Variants in QTMAN observed in about 807,000 individuals in gnomAD.
The protein encoded by QTMAN is queuosine-tRNA mannosyltransferase.
the QTMAN span, among the ~76,000 whole-genome samples, chr2:144,157,031 G>A: frequency 2.6e-5 from 4 of 152,056 alleles, no homozygotes; most frequent in Non-Finnish European, 4.4e-5. Context: ...GTTGCTGCTT[G>A]TGAGCCTGGA....
the QTMAN span, among the ~76,000 whole-genome samples, chr2:144,106,995 C>A: frequency 6.6e-6 from 1 of 152,214 alleles, no homozygotes; most frequent in Non-Finnish European, 1.5e-5. Flanking sequence ...ACAACCTGCT[C>A]CTGAATGACT....
chr2:144,255,807 T>C, the QTMAN span, among the ~76,000 whole-genome samples: 6 of 152,198 alleles, frequency 3.9e-5, no homozygotes, highest in Admixed American at 6.5e-5. Flanking sequence ...TCAAAATGCA[T>C]AGAAGGTGTA....
At chr2:143,983,305 GTTA>G in the QTMAN span, among the ~76,000 whole-genome samples, 2 of 151,978 alleles carry the variant, frequency 1.3e-5, no homozygotes, top group African/African-American at 4.8e-5. Flanking sequence ...AAGAAAGGCT[GTTA>G]TTATTATTAT....
chr2:144,305,768 GTAGGT>G, the QTMAN span, among the ~76,000 whole-genome samples: 1 of 151,988 alleles, frequency 6.6e-6, no homozygotes, highest in African/African-American at 2.4e-5. Flanking sequence ...ATAATTTTTG[GTAGGT>G]TTCAGAGTAC....
At chr2:144,092,876 T>G in the QTMAN span, among the ~76,000 whole-genome samples, 1 of 137,500 alleles carries the variant, frequency 7.3e-6, no homozygotes, top group East Asian at 2.9e-4. Context: ...TTGGGGTGTG[T>G]GTGTGTGTGT....
the QTMAN span, among the ~76,000 whole-genome samples, chr2:144,231,843 G>GGTGTGTGT: frequency 0.011 from 1,523 of 138,412 alleles, 16 homozygotes; most frequent in South Asian, 0.015. Context: ...GAATGAAAGA[G>GGTGTGTGT]GTGTGTGTGT....
chr2:144,267,707 A>G, the QTMAN span, among the ~76,000 whole-genome samples: 2 of 152,190 alleles, frequency 1.3e-5, no homozygotes, highest in Admixed American at 1.3e-4. Flanking sequence ...GTTTTTAAAA[A>G]TCTCCTGAAA....
chr2:143,958,399 CA>C, the QTMAN span, among the ~76,000 whole-genome samples: 18 of 151,930 alleles, frequency 1.2e-4, no homozygotes, highest in Admixed American at 1.3e-4. Context: ...ACAAAGTTTT[CA>C]AGATATGAAA....
chr2:144,321,458 C>G, the QTMAN span, among the ~76,000 whole-genome samples: 1 of 152,230 alleles, frequency 6.6e-6, no homozygotes, highest in African/African-American at 2.4e-5. Context: ...AATGGCACTA[C>G]AGAACCCATC....
At chr2:144,069,831 T>C in the QTMAN span, among the ~76,000 whole-genome samples, 1 of 152,098 alleles carries the variant, frequency 6.6e-6, no homozygotes, top group South Asian at 2.1e-4. Context: ...ACACTTATTT[T>C]TTGCAGCTGC....
chr2:144,212,830 A>T, the QTMAN span, among the ~76,000 whole-genome samples: 1 of 152,234 alleles, frequency 6.6e-6, no homozygotes, highest in South Asian at 2.1e-4. Context: ...TGAAAGTTTA[A>T]TTCATTATCA....
chr2:144,007,430 T>C, the QTMAN span: 1 of 1,613,280 alleles, frequency 6.2e-7, no homozygotes, highest in Non-Finnish European at 8.5e-7. Flanking sequence ...CCTCTGAATC[T>C]CTCTGCTCTG....
At chr2:143,987,100 G>C in the QTMAN span, among the ~76,000 whole-genome samples, 2 of 152,286 alleles carry the variant, frequency 1.3e-5, no homozygotes, top group East Asian at 3.9e-4. Context: ...GATTAGGTCT[G>C]CAACAGGTTA....
chr2:144,214,174 A>G, the QTMAN span, among the ~76,000 whole-genome samples: 6 of 152,198 alleles, frequency 3.9e-5, no homozygotes, highest in Admixed American at 3.9e-4. Context: ...ACATTTTGCT[A>G]AACAACTTTC....
chr2:143,985,189 C>G, the QTMAN span, among the ~76,000 whole-genome samples: 1 of 152,222 alleles, frequency 6.6e-6, no homozygotes, highest in East Asian at 1.9e-4. Context: ...AAGAAGCAAC[C>G]GGCTGGTTCC....
chr2:144,043,471 TA>T, the QTMAN span, among the ~76,000 whole-genome samples: 1 of 151,860 alleles, frequency 6.6e-6, no homozygotes, highest in Non-Finnish European at 1.5e-5. Flanking sequence ...CCATCTCTAT[TA>T]AAAATACAAA....
the QTMAN span, among the ~76,000 whole-genome samples, chr2:144,079,838 T>C: frequency 6.6e-6 from 1 of 152,130 alleles, no homozygotes; most frequent in South Asian, 2.1e-4. Context: ...AGTACTCTTA[T>C]TGGATGACCT....
At chr2:144,081,835 C>T in the QTMAN span, among the ~76,000 whole-genome samples, 2 of 152,100 alleles carry the variant, frequency 1.3e-5, no homozygotes, top group African/African-American at 4.8e-5. Context: ...CAGAGAGAGC[C>T]TATCACTATC....
At chr2:144,213,190 A>G in the QTMAN span, among the ~76,000 whole-genome samples, 3 of 152,186 alleles carry the variant, frequency 2.0e-5, no homozygotes, top group Non-Finnish European at 4.4e-5. Context: ...TTAAATTTTT[A>G]TTAAAACTTT....
Sources: allele counts gnomAD v4.1 joint callset (sites outside exome capture counted in the v4.1 genomes callset), GRCh38; gene constraint gnomAD v4.1.1; transcripts MANE v1.5; gene names NCBI Gene and HGNC (gene_info 2026-07-23, HGNC 2026-07-21).